The following APOB variants were observed in gnomAD, a reference collection of about 807,000 sequenced individuals.
APOB encodes the protein apolipoprotein B.
In APOB, 153 loss-of-function variants were observed where a neutral mutation model predicts 314.1. The observed-to-expected ratio is 0.49, with a 90% confidence interval of 0.43 to 0.56. APOB has a LOEUF of 0.56. Ranked by LOEUF, APOB falls within the 20% of genes least tolerant of loss-of-function variation. APOB has a pLI of 0.00. For missense variants in APOB, 5,430 were observed against 5,350.7 expected, an observed-to-expected ratio of 1.01 and a Z score of -0.46; for synonymous variants, 2,087 against 2,036.4, an observed-to-expected ratio of 1.02 and a Z score of -0.67.
chr2:21,015,737 A>T (rs1663448349), intron 21 of APOB, among the ~76,000 whole-genome samples, 192 bp from the exon 22 acceptor site: 3 of 152,218 alleles, frequency 2.0e-5, no homozygotes, highest in Non-Finnish European at 4.4e-5. Context: ...AAACAGGTTT[A>T]GGAGAAAGAG....
Position 21,005,132 on chromosome 2 carries a change from G to T in APOB, c.11736C>A (p.Val3912=). 2 of 1,613,984 alleles carry T rather than the reference G, an allele frequency of 1.2e-6. No individual in the cohort carries two copies. Among genetic ancestry groups the T allele is most frequent in the East Asian group, 2.2e-5 (1 of 44,888 alleles). Residue 3912 remains valine (V), a synonymous_variant, in exon 26 of 29, where the codon GTC becomes GTA. Coordinates refer to ENST00000233242, the MANE Select transcript of APOB (RefSeq NM_000384.3). ...LKNKADYVET[V]LDSTCSSTVQ... ...CGGTTGAGCTGCATGTGGAATCCAG[G>T]ACTGTTTCAACATAATCTGCTTTGT... is the stretch of plus-strand genomic sequence containing the variant.
At position 21,013,342 on chromosome 2, in the gene APOB, A is replaced by C. The variant is rs200775684; in HGVS notation, c.4034T>G (p.Leu1345Trp). The C allele has an allele frequency of 1.2e-5, 19 of 1,614,082 alleles. No individual in the cohort carries two copies. The highest frequency in any genetic ancestry group is 1.4e-5 in the Non-Finnish European group (16 of 1,180,046). ...CAGGAGAGGCACTTGCAGTTGATAC[A>C]ACTTGGGAATGGTAAAAGTAGGGAC... ...FQVPTFTIPK[L>W]YQLQVPLLGV... The change falls in exon 25 of 29, where the codon TTG becomes TGG. Residue 1345 changes from leucine (L) to tryptophan (W), a missense_variant. Physicochemically the swap from Leu to Trp is moderately conservative, Grantham distance 61 (BLOSUM62 -2). Coordinates refer to ENST00000233242, the MANE Select transcript of APOB (RefSeq NM_000384.3).
In APOB at chr2:21,021,784, C is replaced by T. The variant is rs542314665; in HGVS notation, c.2816+1047G>A. On this transcript the variant is annotated intron_variant, in intron 18 of 28. Coordinates refer to ENST00000233242, the MANE Select transcript of APOB (RefSeq NM_000384.3). ...GAATGCATTCCCTGACTAGCACAGG[C>T]TACATGATATAAAATTTCATGGTAC... is the stretch of plus-strand genomic sequence containing the variant. 5.8e-4 allele frequency among the ~76,000 whole-genome samples: 89 copies of T among 152,332 alleles called. No individual in the cohort carries two copies. In the South Asian group the frequency reaches 6.8e-3, roughly 12 times the overall value.
At position 21,033,111 on chromosome 2, in the gene APOB, C is replaced by G. The variant is rs368719674; in HGVS notation, c.1124+188G>C. ...ATAGCTGCCTTGAACACAGTATGCG[C>G]GTGTGTGTTTCATGGAACTCAGCGC... On this transcript the variant is annotated intron_variant, in intron 9 of 28. Transcript: ENST00000233242. Among the ~76,000 whole-genome samples, 4 of 152,270 alleles carry G rather than the reference C, an allele frequency of 2.6e-5. No individual in the cohort carries two copies. The South Asian group carries it at 8.3e-4, about 32-fold the overall frequency.
rs1168972923 is a variant in APOB at position 21,002,563 on chromosome 2, T to C, written c.12859A>G (p.Ile4287Val). 24 of 1,613,978 alleles carry C rather than the reference T, an allele frequency of 1.5e-5. No individual in the cohort carries two copies. In the East Asian group the frequency reaches 5.3e-4, roughly 36 times the overall value. ...ACCTCTGTGGTCTTGAGAGACTGAA[T>C]GGCTTTAAATACCTCTTGGGCTTCT... ...SKEAQEVFKA[I>V]QSLKTTEVLR... The change falls in exon 29 of 29, where the codon ATT (isoleucine) becomes GTT (valine). Residue 4287 changes from isoleucine (I) to valine (V), a missense_variant. Around this residue, in one of 3 missense-constraint regions of APOB, gnomAD observed 3,281 missense variants for 3,171.0 expected, o/e 1.03. Coordinates refer to ENST00000233242, the MANE Select transcript of APOB (RefSeq NM_000384.3).
At position 21,012,016 on chromosome 2, in the gene APOB, A is replaced by T. The variant is rs1440306074; in HGVS notation, c.4852T>A (p.Ser1618Thr). ...SLRFFSLLSGSLNSHGLELNA... is the reference protein window; with the variant it reads ...SLRFFSLLSGTLNSHGLELNA... ...AACTCAAGACCATGGGAATTTAGTG[A>T]TCCAGAAAGCAGGCTGAAGAACCTC... The change falls in exon 26 of 29, where the codon TCA (serine) becomes ACA (threonine). Residue 1618 changes from serine (S) to threonine (T), a missense_variant. Coordinates refer to ENST00000233242, the MANE Select transcript of APOB (RefSeq NM_000384.3). 3.1e-6 allele frequency: 5 copies of T among 1,614,086 alleles called. No homozygotes were observed. Among genetic ancestry groups the T allele is most frequent in the African/African-American group, 1.3e-5 (1 of 74,928 alleles).
chr2:21,010,124 C>G lies in APOB; in HGVS notation c.6744G>C (p.Trp2248Cys). ...FNKSGSSTAS[W>C]IQNVDTKYQI... ...GGTACTTAGTATCCACATTTTGAAT[C>G]CAGGATGCAGTACTACTTCCACTTT... Residue 2248 changes from tryptophan to cysteine, a missense_variant, in exon 26 of 29, where the codon TGG (tryptophan) becomes TGC (cysteine). Transcript: ENST00000233242. The G allele has an allele frequency of 6.2e-7, 1 of 1,612,170 alleles. No individual in the cohort carries two copies. Among genetic ancestry groups the G allele is most frequent in the Non-Finnish European group, 8.5e-7 (1 of 1,179,238 alleles).
chr2:21,008,066 G>T lies in APOB; in HGVS notation c.8802C>A (p.Pro2934=). ...SGKGSWKWAC[P]RFSDEGTHES... is the part of the protein sequence containing the mutation. Reference sequence around the variant, plus strand: ...CATGTGTTCCCTCATCTGAGAATCTGGGGCAGGCCCATTTCCATGACCCTT... The same window carrying T: ...CATGTGTTCCCTCATCTGAGAATCTTGGGCAGGCCCATTTCCATGACCCTT... Residue 2934 remains proline (P), a synonymous_variant, in exon 26 of 29, where the codon CCC becomes CCA. Transcript: ENST00000233242. 1 of 1,614,072 alleles carries T rather than the reference G, an allele frequency of 6.2e-7. No homozygotes were observed. The highest frequency in any genetic ancestry group is 8.5e-7 in the Non-Finnish European group (1 of 1,179,960).
chr2:21,007,656 A>T lies in APOB; in HGVS notation c.9212T>A (p.Leu3071Gln). 1 of 1,614,096 alleles carries T rather than the reference A, an allele frequency of 6.2e-7. No individual in the cohort carries two copies. Among genetic ancestry groups the T allele is most frequent in the Non-Finnish European group, 8.5e-7 (1 of 1,179,962 alleles). ...ACTCAGAAACAGTGCATAGTTATTC[A>T]GGAAGTCTATCTTCCCTGTTAACCT... ...PLRLTGKIDF[L>Q]NNYALFLSPS... The change falls in exon 26 of 29, where the codon CTG becomes CAG. Residue 3071 changes from leucine to glutamine, a missense_variant. Around this residue, in one of 3 missense-constraint regions of APOB, gnomAD observed 3,281 missense variants for 3,171.0 expected, o/e 1.03. Coordinates refer to ENST00000233242, the MANE Select transcript of APOB (RefSeq NM_000384.3).
rs886055595 is a variant in APOB at position 21,038,000 on chromosome 2, C to G, written c.495G>C (p.Leu165=). The G allele has an allele frequency of 8.1e-6, 13 of 1,614,180 alleles. No individual in the cohort carries two copies. The highest frequency in any genetic ancestry group is 1.1e-5 in the Non-Finnish European group (13 of 1,180,038). ...TGGCTTCTTCTGTCTCTGGGGGAAC[C>G]AGGAGGGCAGAAATGATGCCCCTCT... ...NIKRGIISAL[L]VPPETEEAKQ... is the part of the protein sequence containing the mutation. Residue 165 remains leucine (L), a synonymous_variant, in exon 5 of 29, where the codon CTG becomes CTC. Coordinates refer to ENST00000233242, the MANE Select transcript of APOB (RefSeq NM_000384.3).
At position 21,032,554 on chromosome 2, in the gene APOB, C is replaced by T. The variant is rs1470238324; in HGVS notation, c.1152G>A (p.Gln384=). The T allele has an allele frequency of 6.2e-7, 1 of 1,614,154 alleles. No individual in the cohort carries two copies. The highest frequency in any genetic ancestry group is 8.5e-7 in the Non-Finnish European group (1 of 1,180,022). The change falls in exon 10 of 29, where the codon CAG becomes CAA. Residue 384 remains glutamine (Q), a synonymous_variant. Transcript: ENST00000233242. ...SSPITLQALV[Q]CGQPQCSTHI... ...GAGTGGAGCACTGAGGCTGTCCACA[C>T]TGAACCAAGGCTTGTAAAGTGATGG...
Position 21,007,992 on chromosome 2 carries a change from A to G in APOB, c.8876T>C (p.Leu2959Pro), listed in dbSNP as rs1359044448. 1 of 1,614,122 alleles carries G rather than the reference A, an allele frequency of 6.2e-7. No individual in the cohort carries two copies. Among genetic ancestry groups the G allele is most frequent in the South Asian group, 1.1e-5 (1 of 91,084 alleles). ...GTGTTTGCTATTGATCTTATTGGACAGTCCAAAGGAAGTGAGGGGTCCTTC... is the reference window on the plus strand; with the variant it reads ...GTGTTTGCTATTGATCTTATTGGACGGTCCAAAGGAAGTGAGGGGTCCTTC... ...TIEGPLTSFGLSNKINSKHLR... is the reference protein window; with the variant it reads ...TIEGPLTSFGPSNKINSKHLR... Residue 2959 changes from leucine to proline, a missense_variant, in exon 26 of 29, where the codon CTG becomes CCG. Coordinates refer to ENST00000233242, the MANE Select transcript of APOB (RefSeq NM_000384.3).
At position 21,037,997 on chromosome 2, in the gene APOB, A is replaced by C. The variant is rs766135749; in HGVS notation, c.498T>G (p.Val166=). 6.2e-7 allele frequency: 1 copy of C among 1,614,178 alleles called. No individual in the cohort carries two copies. The highest frequency in any genetic ancestry group is 1.1e-5 in the South Asian group (1 of 91,084). The change falls in exon 5 of 29, where the codon GTT becomes GTG. Residue 166 remains valine, a synonymous_variant. Transcript: ENST00000233242. ...GCTTGGCTTCTTCTGTCTCTGGGGG[A>C]ACCAGGAGGGCAGAAATGATGCCCC... ...IKRGIISALL[V]PPETEEAKQV...
In APOB at chr2:21,006,141, A is replaced by C. The variant is rs1663130726; in HGVS notation, c.10727T>G (p.Leu3576Arg). 1 of 1,614,034 alleles carries C rather than the reference A, an allele frequency of 6.2e-7. No homozygotes were observed. Among genetic ancestry groups the C allele is most frequent in the Non-Finnish European group, 8.5e-7 (1 of 1,179,966 alleles). The change falls in exon 26 of 29, where the codon CTC (leucine) becomes CGC (arginine). Residue 3576 changes from leucine (L) to arginine (R), a missense_variant. Physicochemically the swap from Leu to Arg is moderately radical, Grantham distance 102 (BLOSUM62 -2). This residue lies in a region of APOB where 3,281 missense variants were observed against 3,171.0 expected (regional missense o/e 1.03). Coordinates refer to ENST00000233242, the MANE Select transcript of APOB (RefSeq NM_000384.3). ...TGTATGTTCTCCGTTGGTGAAAAAG[A>C]GGCCCTCTAGCTGTAAGTGGTTTTT... Reference protein sequence around the residue: ...STKNHLQLEGLFFTNGEHTSK... With the variant: ...STKNHLQLEGRFFTNGEHTSK...
chr2:21,015,908 A>C (rs575847591), intron 21 of APOB, among the ~76,000 whole-genome samples: 3 of 152,224 alleles, frequency 2.0e-5, no homozygotes, highest in Admixed American at 1.3e-4. Flanking sequence ...AATTTCTTTA[A>C]AGCACCCAGC....
intron 2 of APOB, 85 bp from the exon 3 acceptor site, chr2:21,042,561 A>G (rs2103389070): frequency 1.1e-6 from 1 of 923,748 alleles, no homozygotes; most frequent in South Asian, 1.3e-5. Flanking sequence ...GGGCAGTGGC[A>G]TAGAGAATTA....
intron 9 of APOB, 39 bp from the exon 10 acceptor site, chr2:21,032,620 T>C (rs1284226890): frequency 2.5e-5 from 38 of 1,500,846 alleles, no homozygotes; most frequent in Non-Finnish European, 3.4e-5. Flanking sequence ...ACAGACCACC[T>C]TCAGGGCACA....
At position 21,010,956 on chromosome 2, in the gene APOB, AG is replaced by A; in HGVS notation, c.5911del (p.Leu1971CysfsTer47). ...GCCTGTCTGCTCAGCTGGAGTAAGC[AG>A]GGCACTGACTTTGTGTTCAAGAGCT... ...SAALEHKVSA[L>X]LTPAEQTGTW... On this transcript the variant is annotated frameshift_variant, in exon 26 of 29. Transcript: ENST00000233242. LOFTEE classifies it high-confidence loss of function. 1 of 1,614,156 alleles carries A rather than the reference AG, an allele frequency of 6.2e-7. No homozygotes were observed. Among genetic ancestry groups the A allele is most frequent in the Non-Finnish European group, 8.5e-7 (1 of 1,180,022 alleles).
In APOB at chr2:21,015,181, A is replaced by C; in HGVS notation, c.3588T>G (p.Asp1196Glu). ...TKKMTSNFPV[D>E]LSDYPKSLHM... ...GCAAGCTCTTAGGATAATCGGAGAG[A>C]TCCACAGGGAAATTGGAAGTCATTT... Residue 1196 changes from aspartate (D) to glutamate (E), a missense_variant, in exon 23 of 29, where the codon GAT becomes GAG. Transcript: ENST00000233242. The C allele has an allele frequency of 6.2e-7, 1 of 1,614,172 alleles. No homozygotes were observed. Among genetic ancestry groups the C allele is most frequent in the Non-Finnish European group, 8.5e-7 (1 of 1,180,004 alleles).
Sources: gnomAD v4.1 joint callset for allele counts (sites outside exome capture counted in the v4.1 genomes callset) on GRCh38, gnomAD v4.1.1 for gene constraint, gnomAD v4.1.1 regional missense constraint, MANE v1.5 for transcripts, NCBI Gene and HGNC (gene_info 2026-07-23, HGNC 2026-07-21) for gene names.